TCF4: variants seen among roughly 807,000 people sequenced by gnomAD.
TCF4 encodes the protein SL3-3 enhancer factor 2.
TCF4 carries 3 observed loss-of-function variants against 82.1 expected under a neutral mutation model. That is an observed-to-expected ratio of 0.04 (90% confidence interval 0.02 to 0.09). TCF4 has a LOEUF of 0.09. Ranked by LOEUF, TCF4 falls within the 10% of genes least tolerant of loss-of-function variation. TCF4 has a pLI of 1.00. For missense variants in TCF4, 518 were observed against 852.7 expected, an observed-to-expected ratio of 0.61 and a Z score of 4.89; for synonymous variants, 276 against 309.6, an observed-to-expected ratio of 0.89 and a Z score of 1.14.
chr18:55,350,515 A>G, intron 7 of TCF4, 107 bp from the exon 8 acceptor site: 1 of 1,106,166 alleles, frequency 9.0e-7, no homozygotes, highest in Non-Finnish European at 1.4e-6. Flanking sequence ...TTAAATCATT[A>G]CCTTAGCAAA....
At chr18:55,290,568 G>A (rs1161499554) in intron 8 of TCF4, among the ~76,000 whole-genome samples, 1 of 152,152 alleles carries the variant, frequency 6.6e-6, no homozygotes, top group Non-Finnish European at 1.5e-5. Context: ...AGGGAAAGCA[G>A]TACAAAGAAA....
At chr18:55,608,226 G>A (rs2097703931) in intron 2 of TCF4, among the ~76,000 whole-genome samples, 1 of 152,004 alleles carries the variant, frequency 6.6e-6, no homozygotes, top group Non-Finnish European at 1.5e-5. Flanking sequence ...TATTTTGAGG[G>A]GTTAAGTACT....
Position 55,406,400 on chromosome 18 carries a change from AT to A in TCF4, c.305-2883del, listed in dbSNP as rs145535393. On this transcript the variant is annotated intron_variant, in intron 5 of 19. Transcript: ENST00000354452. ...CAAACATAAAATCGCGATTCCTATCATTTTTTTTAAAGACTAAAAGCAGCCA... is the reference window on the plus strand; with the variant it reads ...CAAACATAAAATCGCGATTCCTATCATTTTTTTAAAGACTAAAAGCAGCCA... 0.024 allele frequency among the ~76,000 whole-genome samples: 3,681 copies of A among 151,908 alleles called. 335 individuals are homozygous for A. The East Asian group carries it at 0.33, about 13-fold the overall frequency.
chr18:55,265,935 G>C (rs1198304221), intron 11 of TCF4: 1 of 152,132 alleles, frequency 6.6e-6, no homozygotes, highest in East Asian at 1.9e-4. Context: ...TAGAATGCAG[G>C]CCAGTTAAAG....
In TCF4 at chr18:55,496,077, T is replaced by C. The variant is rs1568226810; in HGVS notation, c.146-31940A>G. 3 of 152,154 alleles carry C rather than the reference T, an allele frequency of 2.0e-5. No individual in the cohort carries two copies. The South Asian group carries it at 6.2e-4, about 32-fold the overall frequency. The allele number at this position is 152,154 out of a possible 1,614,324, so 9.4% of individuals were successfully genotyped here. ...TAGCCACAAGCCTACTATACTGTGATACATAAAACCCAGAGATGTGGCAAA... is the reference window on the plus strand; with the variant it reads ...TAGCCACAAGCCTACTATACTGTGACACATAAAACCCAGAGATGTGGCAAA... On this transcript the variant is annotated intron_variant, in intron 3 of 19. Coordinates refer to ENST00000354452, the MANE Select transcript of TCF4 (RefSeq NM_001083962.2).
chr18:55,572,176 T>C (rs921402064), intron 3 of TCF4, among the ~76,000 whole-genome samples: 1 of 152,176 alleles, frequency 6.6e-6, no homozygotes, highest in Non-Finnish European at 1.5e-5. Flanking sequence ...TCTAGGGTCA[T>C]AGAACCAACT....
chr18:55,477,606 C>T (rs72930740), intron 3 of TCF4, among the ~76,000 whole-genome samples: 4,779 of 152,298 alleles, frequency 0.031, 98 homozygotes, highest in Non-Finnish European at 0.048. Flanking sequence ...CCAGGGCACA[C>T]GCAGTTGCCA....
rs534084535 is a variant in TCF4 at position 55,609,103 on chromosome 18, A to C, written c.287-21967T>G. Among the ~76,000 whole-genome samples, 15 of 152,320 alleles carry C rather than the reference A, an allele frequency of 9.8e-5. No individual in the cohort carries two copies. The South Asian group carries it at 2.3e-3, about 23-fold the overall frequency. ...AAACCAGGAAGTGGGCTGGGCTCTT[A>C]CCAGACATCAGATCTGTCCATACCT... On this transcript the variant is annotated intron_variant, in intron 2 of 20. Transcript: ENST00000398339.
chr18:55,421,621 T>G (rs1320270170), intron 5 of TCF4, among the ~76,000 whole-genome samples: 1 of 152,248 alleles, frequency 6.6e-6, no homozygotes, highest in Non-Finnish European at 1.5e-5. Context: ...AGAAGTACAC[T>G]TCTATTTTCC....
At chr18:55,465,577 A>C (rs1354653135) in intron 3 of TCF4, among the ~76,000 whole-genome samples, 1 of 150,838 alleles carries the variant, frequency 6.6e-6, no homozygotes, top group Non-Finnish European at 1.5e-5. Context: ...CCAAGCCTAG[A>C]GAAAAGGTGT....
At chr18:55,453,423 G>C (rs1328880496) in intron 5 of TCF4, among the ~76,000 whole-genome samples, 2 of 152,168 alleles carry the variant, frequency 1.3e-5, no homozygotes, top group African/African-American at 4.8e-5. Flanking sequence ...ATTCCTACCT[G>C]ATACAAATTG....
At chr18:55,245,920 C>A (rs1021934998) in intron 15 of TCF4, among the ~76,000 whole-genome samples, 3 of 152,204 alleles carry the variant, frequency 2.0e-5, no homozygotes, top group African/African-American at 4.8e-5. Flanking sequence ...CCAAAAGCAT[C>A]TGAAGCACAG....
intron 3 of TCF4, chr18:55,510,499 T>A: frequency 9.0e-7 from 1 of 1,111,718 alleles, no homozygotes; most frequent in Non-Finnish European, 1.2e-6. Flanking sequence ...CAATTCAAAC[T>A]TCTAAGGATA....
At chr18:55,410,936 GACA>G (rs771102979) in intron 5 of TCF4, among the ~76,000 whole-genome samples, 1 of 152,112 alleles carries the variant, frequency 6.6e-6, no homozygotes, top group Non-Finnish European at 1.5e-5. Context: ...ACATGGCCCA[GACA>G]ACAACAACCA....
At chr18:55,592,669 G>C (rs559292727), upstream of TCF4, among the ~76,000 whole-genome samples, 2 of 152,288 alleles carry the variant, frequency 1.3e-5, no homozygotes, top group African/African-American at 4.8e-5. Context: ...AGCCCCAGCA[G>C]ATTGGACCCC....
chr18:55,345,649 G>GT (rs1569111650), intron 8 of TCF4, among the ~76,000 whole-genome samples: 1 of 152,060 alleles, frequency 6.6e-6, no homozygotes, highest in African/African-American at 2.4e-5. Context: ...TCTTCACAAA[G>GT]TATCTATCCC....
At chr18:55,354,408 C>T (rs2082994137) in intron 6 of TCF4, among the ~76,000 whole-genome samples, 2 of 152,164 alleles carry the variant, frequency 1.3e-5, no homozygotes, top group African/African-American at 4.8e-5. Context: ...ACATTCTCAA[C>T]CCTGCCCCCA....
chr18:55,447,280 C>T (rs1017542178), intron 5 of TCF4, among the ~76,000 whole-genome samples: 14 of 133,060 alleles, frequency 1.1e-4, no homozygotes, highest in East Asian at 2.2e-4. Context: ...GCCTGAAGGA[C>T]GGGGTGAGAC....
chr18:55,586,528 T>C (rs1022040730), intron 2 of TCF4, among the ~76,000 whole-genome samples: 3 of 152,244 alleles, frequency 2.0e-5, no homozygotes, highest in Non-Finnish European at 2.9e-5. Context: ...ATATCCATAC[T>C]AGTTTTAAGA....
Sources: allele counts gnomAD v4.1 joint callset (sites outside exome capture counted in the v4.1 genomes callset), GRCh38; gene constraint gnomAD v4.1.1; transcripts MANE v1.5; gene names NCBI Gene and HGNC (gene_info 2026-07-23, HGNC 2026-07-21).